Variants in CKAP2L observed in about 807,000 individuals in gnomAD.
CKAP2L encodes the protein cytoskeleton-associated protein 2-like.
A neutral mutation model predicts 65.7 loss-of-function variants in CKAP2L; 42 were observed. That is an observed-to-expected ratio of 0.64 (90% CI 0.50 to 0.83). The LOEUF (loss-of-function observed/expected upper bound fraction) is 0.83, where lower values mean the gene tolerates loss of function less well. Ranked by LOEUF, CKAP2L falls within the 40% of genes least tolerant of loss-of-function variation. The pLI, the probability that CKAP2L is intolerant of heterozygous loss-of-function variation, is 0.00. For synonymous variants in CKAP2L, 325 were observed against 313.5 expected, an observed-to-expected ratio of 1.04 and a Z score of -0.39; for missense variants, 908 against 871.0, an observed-to-expected ratio of 1.04 and a Z score of -0.53.
At chr2:112,741,063 AG>A in intron 7 of CKAP2L, 56 bp from the exon 8 acceptor site, 2 of 1,150,906 alleles carry the variant, frequency 1.7e-6, no homozygotes, top group Admixed American at 3.7e-5. Flanking sequence ...TACTTCAACT[AG>A]AAGTCAATAA....
At chr2:112,754,387 A>G (rs943459375) in intron 4 of CKAP2L, among the ~76,000 whole-genome samples, 1 of 151,906 alleles carries the variant, frequency 6.6e-6, no homozygotes, top group Admixed American at 6.5e-5. Context: ...CACTCCAACC[A>G]CCTACTTGAT....
Position 112,756,329 on chromosome 2 carries a change from G to A in CKAP2L, c.1042C>T (p.His348Tyr), listed in dbSNP as rs778079829. Residue 348 changes from histidine to tyrosine, a missense_variant, in exon 4 of 9, where the codon CAT becomes TAT. Physicochemically the swap from His to Tyr is moderately conservative, Grantham distance 83 (BLOSUM62 2). Coordinates refer to ENST00000302450, the MANE Select transcript of CKAP2L (RefSeq NM_152515.5). Reference protein sequence around the residue: ...SLLQGEYNNRHPNIKQDQKSS... With the variant: ...SLLQGEYNNRYPNIKQDQKSS... ...TTCTGATCTTGCTTGATGTTTGGAT[G>A]TCTGTTGTTATATTCACCCTGAAGC... 15 of 1,613,728 alleles carry A rather than the reference G, an allele frequency of 9.3e-6. No individual in the cohort carries two copies. In the South Asian group the frequency reaches 1.5e-4, roughly 17 times the overall value.
rs776611240 is a variant in CKAP2L at position 112,752,231 on chromosome 2, G to A, written c.1602+36C>T. 2.7e-6 allele frequency: 4 copies of A among 1,476,688 alleles called. No individual in the cohort carries two copies. In the African/African-American group the frequency reaches 5.6e-5, roughly 21 times the overall value. 91.5% of individuals were successfully genotyped at this position (1,476,688 alleles called of 1,614,324 possible). ...ATATGTTTAAAAATTATAAGACTTTGGGCCAAAGCTGGAGGAGCTTATCTT... is the reference window on the plus strand; with the variant it reads ...ATATGTTTAAAAATTATAAGACTTTAGGCCAAAGCTGGAGGAGCTTATCTT... On this transcript the variant is annotated intron_variant, in intron 5 of 8. Transcript: ENST00000302450.
At chr2:112,750,182 A>G (rs115962626) in intron 5 of CKAP2L, among the ~76,000 whole-genome samples, 1,818 of 152,224 alleles carry the variant, frequency 0.012, 30 homozygotes, top group African/African-American at 0.041. Context: ...TTGTTCTCCT[A>G]GACCCAGTGG....
intron 8 of CKAP2L, 23 bp from the exon 9 acceptor site, chr2:112,739,071 T>A (rs745617877): frequency 6.6e-7 from 1 of 1,521,690 alleles, no homozygotes; most frequent in South Asian, 1.2e-5. Context: ...AAGAGATGCA[T>A]TAAAAACCTT....
In CKAP2L at chr2:112,756,178, G is replaced by A; in HGVS notation, c.1193C>T (p.Pro398Leu). 3.7e-6 allele frequency: 6 copies of A among 1,613,986 alleles called. No individual in the cohort carries two copies. Among genetic ancestry groups the A allele is most frequent in the Non-Finnish European group, 5.1e-6 (6 of 1,179,946 alleles). Residue 398 changes from proline (P) to leucine (L), a missense_variant, in exon 4 of 9, where the codon CCA (proline) becomes CTA (leucine). Physicochemically the swap from Pro to Leu is moderately conservative, Grantham distance 98. Coordinates refer to ENST00000302450, the MANE Select transcript of CKAP2L (RefSeq NM_152515.5). ...SAIPSTPSIR[P>L]NGTSGNKHNN... is the part of the protein sequence containing the mutation. ...ATGTTTATTACCACTGGTTCCATTT[G>A]GTCTTATGCTAGGGGTGCTTGGAAT...
At position 112,764,593 on chromosome 2, in the gene CKAP2L, C is replaced by A; in HGVS notation, c.6G>T (p.Val2=). ...CGGCAGCAGCGGTAGGCCCGGGCCCCACCATGACTCTTCAGTGACAGTTTT... is the reference window on the plus strand; with the variant it reads ...CGGCAGCAGCGGTAGGCCCGGGCCCAACCATGACTCTTCAGTGACAGTTTT... M[V]GPGPTAAAAV... Residue 2 remains valine, a synonymous_variant, in exon 1 of 9, where the codon GTG becomes GTT. Coordinates refer to ENST00000302450, the MANE Select transcript of CKAP2L (RefSeq NM_152515.5). The A allele has an allele frequency of 1.9e-6, 3 of 1,614,214 alleles. No individual in the cohort carries two copies. The highest frequency in any genetic ancestry group is 2.5e-6 in the Non-Finnish European group (3 of 1,180,032).
chr2:112,754,231 G>GT (rs1470386290), intron 4 of CKAP2L, among the ~76,000 whole-genome samples: 2 of 152,056 alleles, frequency 1.3e-5, no homozygotes, highest in Admixed American at 1.3e-4. Context: ...TCACTGATCC[G>GT]TTTTTTGTCT....
intron 3 of CKAP2L, among the ~76,000 whole-genome samples, 171 bp from the exon 4 acceptor site, chr2:112,757,385 GTTTT>G (rs11311328): frequency 2.3e-5 from 2 of 87,434 alleles, no homozygotes; most frequent in African/African-American, 5.2e-5. Flanking sequence ...TAGTTTTTGT[GTTTT>G]TTTTTTTTTT....
At position 112,755,774 on chromosome 2, in the gene CKAP2L, A is replaced by G. The variant is rs79052191; in HGVS notation, c.1394+203T>C. On this transcript the variant is annotated intron_variant, in intron 4 of 8. Transcript: ENST00000302450. ...AGCTATTGTAAACATACGATTACAGAAAATGATTTATAACATGTGTATGTA... is the reference window on the plus strand; with the variant it reads ...AGCTATTGTAAACATACGATTACAGGAAATGATTTATAACATGTGTATGTA... Among the ~76,000 whole-genome samples, 255 of 152,298 alleles carry G rather than the reference A, an allele frequency of 1.7e-3. 3 individuals carry two copies. In the East Asian group the frequency reaches 0.045, roughly 27 times the overall value.
At chr2:112,750,784 A>G (rs1558758939) in intron 5 of CKAP2L, among the ~76,000 whole-genome samples, 2 of 151,192 alleles carry the variant, frequency 1.3e-5, no homozygotes. Context: ...AGCACTGAAC[A>G]TATTTATAAA....
At chr2:112,761,312 T>C (rs1411184167) in intron 2 of CKAP2L, among the ~76,000 whole-genome samples, 4 of 151,614 alleles carry the variant, frequency 2.6e-5, no homozygotes, top group Non-Finnish European at 1.5e-5. Context: ...TACAAAAAAA[T>C]TAGCTGGGCA....
chr2:112,742,494 G>A, intron 7 of CKAP2L: 2 of 718,392 alleles, frequency 2.8e-6, no homozygotes, highest in South Asian at 1.5e-5. Flanking sequence ...TGTTTTGGTG[G>A]AAACAACCTT....
rs149168274 is a variant in CKAP2L at position 112,749,322 on chromosome 2, A to G, written c.1603-2747T>C. 2.1e-4 allele frequency among the ~76,000 whole-genome samples: 32 copies of G among 152,362 alleles called. No individual in the cohort carries two copies. In the East Asian group the frequency reaches 6.2e-3, roughly 29 times the overall value. Reference sequence around the variant, plus strand: ...CAAAGCAAGTCATGAATCTTTCTGTACCTAACAACATAACTTTAAAAAATA... The same window carrying G: ...CAAAGCAAGTCATGAATCTTTCTGTGCCTAACAACATAACTTTAAAAAATA... On this transcript the variant is annotated intron_variant, in intron 5 of 8. Coordinates refer to ENST00000302450, the MANE Select transcript of CKAP2L (RefSeq NM_152515.5).
At chr2:112,739,694 GCCCAGGCTAGAGT>G (rs1679735347) in intron 8 of CKAP2L, among the ~76,000 whole-genome samples, 1 of 152,158 alleles carries the variant, frequency 6.6e-6, no homozygotes, top group South Asian at 2.1e-4. Flanking sequence ...TCACTCTGTT[GCCCAGGCTAGAGT>G]CCAGTGGTGC....
In CKAP2L at chr2:112,737,520, T is replaced by G. The variant is rs981511201; in HGVS notation, c.*1303A>C. 6.6e-6 allele frequency: 1 copy of G among 152,220 alleles called. No homozygotes were observed. Among genetic ancestry groups the G allele is most frequent in the African/African-American group, 2.4e-5 (1 of 41,456 alleles). The allele number at this position is 152,220 out of a possible 1,614,324, so 9.4% of individuals were successfully genotyped here. ...ATCTATACCTACTGGCCATTTCTTA[T>G]GTCTTCTTTGGAGAAATGTCTGCTC... is the stretch of plus-strand genomic sequence containing the variant. On this transcript the variant is annotated 3_prime_UTR_variant, in exon 9 of 9. Coordinates refer to ENST00000302450, the MANE Select transcript of CKAP2L (RefSeq NM_152515.5).
chr2:112,756,339 A>C lies in CKAP2L; in HGVS notation c.1032T>G (p.Tyr344Ter), dbSNP rs746341672. The C allele has an allele frequency of 1.2e-6, 2 of 1,613,634 alleles. No individual in the cohort carries two copies. The highest frequency in any genetic ancestry group is 1.7e-6 in the Non-Finnish European group (2 of 1,179,796). ...GCTTGATGTTTGGATGTCTGTTGTT[A>C]TATTCACCCTGAAGCAAACTGGGGT... Reference protein sequence around the residue: ...RTYPSLLQGEYNNRHPNIKQD... With the variant: ...RTYPSLLQGE The change falls in exon 4 of 9, where the codon TAT (tyrosine) becomes TAG (stop). Residue 344 changes from tyrosine to a stop codon, truncating the protein, a stop_gained. Transcript: ENST00000302450. LOFTEE classifies it high-confidence loss of function.
At position 112,742,845 on chromosome 2, in the gene CKAP2L, A is replaced by G. The variant is rs990581346; in HGVS notation, c.1759-76T>C. 8.7e-6 allele frequency: 8 copies of G among 915,396 alleles called. No homozygotes were observed. The African/African-American group carries it at 1.3e-4, about 15-fold the overall frequency. 56.7% of individuals were successfully genotyped at this position (915,396 alleles called of 1,614,324 possible). ...AATTTGCTAAGGAACTTTAACTTCA[A>G]ATACATGTTTTATAATAAAAGTTTC... On this transcript the variant is annotated intron_variant, in intron 6 of 8. Transcript: ENST00000302450.
chr2:112,739,008 T>C lies in CKAP2L; in HGVS notation c.2053A>G (p.Thr685Ala). ...MPEVQDMKFITPVRRSSRIER... is the reference protein window; with the variant it reads ...MPEVQDMKFIAPVRRSSRIER... ...ATCCTCGACGAACGCCGTACAGGAG[T>C]GATAAATTTCATGTCTTGCACTTCC... The change falls in exon 9 of 9, where the codon ACT becomes GCT. Residue 685 changes from threonine to alanine, a missense_variant. By Grantham distance (58) the Thr-to-Ala change is moderately conservative. Coordinates refer to ENST00000302450, the MANE Select transcript of CKAP2L (RefSeq NM_152515.5). The C allele has an allele frequency of 6.2e-6, 10 of 1,613,760 alleles. No homozygotes were observed. Among genetic ancestry groups the C allele is most frequent in the Non-Finnish European group, 8.5e-6 (10 of 1,179,822 alleles).
Sources: gnomAD v4.1 joint callset for allele counts (sites outside exome capture counted in the v4.1 genomes callset) on GRCh38, gnomAD v4.1.1 for gene constraint, MANE v1.5 for transcripts, NCBI Gene and HGNC (gene_info 2026-07-23, HGNC 2026-07-21) for gene names.